APLP2: variants seen among roughly 807,000 people sequenced by gnomAD.
APLP2 encodes the protein amyloid beta precursor like protein 2.
Under a neutral mutation model 89.9 loss-of-function variants are expected in APLP2, and 53 were observed. The observed-to-expected ratio is 0.59, with a 90% CI of 0.47 to 0.74. The LOEUF (loss-of-function observed/expected upper bound fraction) is 0.74. Among genes scored for constraint, APLP2 ranks in the 30% least tolerant of loss-of-function variants. The pLI is 0.00. For synonymous variants in APLP2, 372 were observed against 348.6 expected (o/e 1.07, Z -0.75); for missense variants, 973 against 975.9 (o/e 1.00, Z 0.04).
Position 130,123,886 on chromosome 11 carries a change from G to T in APLP2, c.1090+107G>T, listed in dbSNP as rs1950105153. ...CTGTGTGGTGTCCCTGCCCACTCGG[G>T]TGTTTGCTGTCGGTCGTCTTCCCCT... On this transcript the variant is annotated intron_variant, in intron 7 of 16. Coordinates refer to ENST00000338167, the MANE Select transcript of APLP2 (RefSeq NM_001142276.2). This position sits in a 1 kb window ranked among gnomAD's most constrained non-coding sequence, Gnocchi z 4.0. The T allele has an allele frequency of 1.6e-6, 2 of 1,281,588 alleles. No individual in the cohort carries two copies. The highest frequency in any genetic ancestry group is 2.7e-5 in the South Asian group (2 of 72,934). 79.4% of individuals were successfully genotyped at this position (1,281,588 alleles called of 1,614,324 possible). A position where few individuals can be genotyped will look rare whatever the true frequency, so the allele number is the denominator to read the frequency against.
At chr11:130,107,730 G>C (rs1947973151) in intron 1 of APLP2, among the ~76,000 whole-genome samples, 1 of 152,016 alleles carries the variant, frequency 6.6e-6, no homozygotes, top group East Asian at 1.9e-4. Flanking sequence ...AGTTCATATG[G>C]AACCAAAAAA....
chr11:130,078,153 C>T (rs1309652377), intron 1 of APLP2, among the ~76,000 whole-genome samples: 4 of 150,316 alleles, frequency 2.7e-5, no homozygotes, highest in African/African-American at 7.3e-5. Context: ...CACTGTAGTT[C>T]AGTTTTTCTT....
chr11:130,076,177 C>T lies in APLP2; in HGVS notation c.105+6095C>T, dbSNP rs538372068. Reference sequence around the variant, plus strand: ...GCAACTTCCGCCTCCTGGGTTCAAGCGATTCTCGTGCCTCATCCTCCTGAG... The same window carrying T: ...GCAACTTCCGCCTCCTGGGTTCAAGTGATTCTCGTGCCTCATCCTCCTGAG... On this transcript the variant is annotated intron_variant, in intron 1 of 16. Transcript: ENST00000338167. 5.9e-5 allele frequency among the ~76,000 whole-genome samples: 9 copies of T among 152,218 alleles called. No homozygotes were observed. The South Asian group carries it at 1.7e-3, about 28-fold the overall frequency.
At chr11:130,083,130 G>T (rs1943525520) in intron 1 of APLP2, among the ~76,000 whole-genome samples, 1 of 146,346 alleles carries the variant, frequency 6.8e-6, no homozygotes, top group Non-Finnish European at 1.5e-5. Context: ...CAACCTCCTG[G>T]GCTCAAATGA....
Position 130,143,474 on chromosome 11 carries a change from C to T in APLP2, c.*26C>T, listed in dbSNP as rs2228999. 0.039 allele frequency: 62,047 copies of T among 1,586,124 alleles called. 1,425 individuals are homozygous for T. The highest frequency in any genetic ancestry group is 0.045 in the Non-Finnish European group (52,318 of 1,155,436). ...GTGGCAGGGAGCGCGGCAGCCCTGG[C>T]GGAGGGATGCAGGTGGGCCGGAAGA... is the stretch of plus-strand genomic sequence containing the variant. On this transcript the variant is annotated 3_prime_UTR_variant, in exon 17 of 17. Coordinates refer to ENST00000338167, the MANE Select transcript of APLP2 (RefSeq NM_001142276.2).
At position 130,123,290 on chromosome 11, in the gene APLP2, C is replaced by G. The variant is rs1950028511; in HGVS notation, c.923-322C>G. Among the ~76,000 whole-genome samples the G allele has an allele frequency of 6.6e-6, 1 of 152,244 alleles. No homozygotes were observed. The highest frequency in any genetic ancestry group is 2.4e-5 in the African/African-American group (1 of 41,462). On this transcript the variant is annotated intron_variant, in intron 6 of 16. Coordinates refer to ENST00000338167, the MANE Select transcript of APLP2 (RefSeq NM_001142276.2). This position sits in a 1 kb window ranked among gnomAD's most constrained non-coding sequence, Gnocchi z 4.0. ...CCTGAATAGACAAACTAGGCAGATA[C>G]CTCCACTGAACAGATCAGAAATGTG...
chr11:130,104,428 A>C (rs1017957907), intron 1 of APLP2, among the ~76,000 whole-genome samples: 6 of 151,942 alleles, frequency 3.9e-5, no homozygotes, highest in Non-Finnish European at 5.9e-5. Context: ...CATGTTGGCC[A>C]GGCTGGTCTC....
In APLP2 at chr11:130,109,544, C is replaced by G. The variant is rs1332882626; in HGVS notation, c.221C>G (p.Pro74Arg). The G allele has an allele frequency of 3.1e-6, 5 of 1,613,474 alleles. No individual in the cohort carries two copies. The highest frequency in any genetic ancestry group is 4.2e-6 in the Non-Finnish European group (5 of 1,179,672). ...CAGACTGGGAAATGGGAACCTGATCCAACAGGCACCAAGAGCTGCTTTGAA... is the reference window on the plus strand; with the variant it reads ...CAGACTGGGAAATGGGAACCTGATCGAACAGGCACCAAGAGCTGCTTTGAA... ...NIQTGKWEPD[P>R]TGTKSCFETK... The change falls in exon 2 of 17, where the codon CCA becomes CGA. Residue 74 changes from proline (P) to arginine (R), a missense_variant. Pro to Arg is a moderately radical substitution (Grantham distance 103). Coordinates refer to ENST00000338167, the MANE Select transcript of APLP2 (RefSeq NM_001142276.2).
At chr11:130,127,166 C>G (rs999960275) in intron 8 of APLP2, among the ~76,000 whole-genome samples, 1 of 151,312 alleles carries the variant, frequency 6.6e-6, no homozygotes, top group Non-Finnish European at 1.5e-5. Context: ...TACCATTTGC[C>G]GTGAGAAGAA....
chr11:130,105,867 C>T (rs1459028081), intron 1 of APLP2, among the ~76,000 whole-genome samples: 1 of 152,076 alleles, frequency 6.6e-6, no homozygotes, highest in Admixed American at 6.5e-5. Context: ...CCACACCCGG[C>T]TAATTTTGTA....
chr11:130,132,470 C>A (rs972120451), intron 11 of APLP2, among the ~76,000 whole-genome samples: 11 of 152,114 alleles, frequency 7.2e-5, no homozygotes, highest in African/African-American at 2.7e-4. Context: ...TCTAACCAGG[C>A]GGGGATGACT....
intron 1 of APLP2, among the ~76,000 whole-genome samples, chr11:130,092,524 G>T (rs1386058994): frequency 6.9e-6 from 1 of 144,076 alleles, no homozygotes; most frequent in Non-Finnish European, 1.5e-5. Context: ...GCTGGAGACC[G>T]GCCCGGCCAA....
chr11:130,124,500 C>T (rs1235351640), intron 7 of APLP2, among the ~76,000 whole-genome samples: 1 of 152,168 alleles, frequency 6.6e-6, no homozygotes, highest in African/African-American at 2.4e-5. Flanking sequence ...CCCTTTTCTC[C>T]ATGGCTACTC....
At position 130,144,025 on chromosome 11, in the gene APLP2, G is replaced by A. The variant is rs1373986852; in HGVS notation, c.*577G>A. On this transcript the variant is annotated 3_prime_UTR_variant, in exon 17 of 17. Coordinates refer to ENST00000338167, the MANE Select transcript of APLP2 (RefSeq NM_001142276.2). ...GATGTGAAAGGACCAGTTTCTTGAA[G>A]TCCAGTGTTTCCACGGCTGGATACC... 6.5e-6 allele frequency: 1 copy of A among 152,796 alleles called. No homozygotes were observed. Among genetic ancestry groups the A allele is most frequent in the African/African-American group, 2.4e-5 (1 of 41,452 alleles). The allele number at this position is 152,796 out of a possible 1,614,324, so 9.5% of individuals were successfully genotyped here.
In APLP2 at chr11:130,090,678, C is replaced by G. The variant is rs539947818; in HGVS notation, c.106-18751C>G. On this transcript the variant is annotated intron_variant, in intron 1 of 16. Coordinates refer to ENST00000338167, the MANE Select transcript of APLP2 (RefSeq NM_001142276.2). ...ATGTCTACTTCTTTCTACACAGACACGGCAACCATCCGATTTCTCAATCCC... is the reference window on the plus strand; with the variant it reads ...ATGTCTACTTCTTTCTACACAGACAGGGCAACCATCCGATTTCTCAATCCC... 2.2e-4 allele frequency among the ~76,000 whole-genome samples: 33 copies of G among 152,276 alleles called. No individual in the cohort carries two copies. In the East Asian group the frequency reaches 5.6e-3, roughly 26 times the overall value.
chr11:130,073,154 G>A (rs1941451664), intron 1 of APLP2, among the ~76,000 whole-genome samples: 1 of 152,184 alleles, frequency 6.6e-6, no homozygotes, highest in Non-Finnish European at 1.5e-5. Flanking sequence ...TGTACTGGAA[G>A]TGTAACATAC....
intron 1 of APLP2, among the ~76,000 whole-genome samples, chr11:130,105,309 A>G (rs1947518842): frequency 6.6e-6 from 1 of 152,142 alleles, no homozygotes; most frequent in Non-Finnish European, 1.5e-5. Context: ...CCTGCTACTC[A>G]GGAGATTAAG....
At position 130,129,190 on chromosome 11, in the gene APLP2, A is replaced by G; in HGVS notation, c.1439A>G (p.Gln480Arg). The G allele has an allele frequency of 6.2e-7, 1 of 1,612,526 alleles. No individual in the cohort carries two copies. Among genetic ancestry groups the G allele is most frequent in the Non-Finnish European group, 8.5e-7 (1 of 1,178,968 alleles). The change falls in exon 10 of 17, where the codon CAG becomes CGG. Residue 480 changes from glutamine (Q) to arginine (R), a missense_variant. Physicochemically the swap from Gln to Arg is conservative, Grantham distance 43. Coordinates refer to ENST00000338167, the MANE Select transcript of APLP2 (RefSeq NM_001142276.2). ...CTGGAGAACTACCTGGCTGCCTTGC[A>G]GTCTGACCCGCCACGGGTGAGTCCT... ...MALENYLAAL[Q>R]SDPPRPHRIL... is the part of the protein sequence containing the mutation.
intron 10 of APLP2, 106 bp downstream of exon 10, chr11:130,129,312 A>G: frequency 7.6e-7 from 1 of 1,323,634 alleles, no homozygotes; most frequent in Non-Finnish European, 1.0e-6. Flanking sequence ...AGTTCTGGCA[A>G]AGCTGAAGCT....
Sources: gnomAD v4.1 joint callset for allele counts (sites outside exome capture counted in the v4.1 genomes callset) on GRCh38, gnomAD v4.1.1 for gene constraint, Gnocchi (gnomAD v3.1) non-coding constraint, MANE v1.5 for transcripts, NCBI Gene and HGNC (gene_info 2026-07-23, HGNC 2026-07-21) for gene names.